Variants in GPR137B observed in about 807,000 individuals in gnomAD.
The protein encoded by GPR137B is G protein-coupled receptor 137B.
A neutral mutation model predicts 42.5 loss-of-function variants in GPR137B; 42 were observed. The observed-to-expected ratio is 0.99, with a 90% confidence interval of 0.77 to 1.28. The LOEUF (loss-of-function observed/expected upper bound fraction) is 1.28, where lower values mean the gene tolerates loss of function less well. Ranked by LOEUF, GPR137B falls within the 50% of genes most tolerant of loss-of-function variation. GPR137B has a pLI of 0.00. For synonymous variants in GPR137B, 218 were observed against 209.7 expected (o/e 1.04, Z -0.34); for missense variants, 487 against 493.9 (o/e 0.99, Z 0.13).
chr1:236,146,870 G>A (rs1346771520), intron 1 of GPR137B, among the ~76,000 whole-genome samples: 1 of 152,130 alleles, frequency 6.6e-6, no homozygotes, highest in African/African-American at 2.4e-5. Flanking sequence ...CCGCAGTAGT[G>A]TGATCTTGGC....
At chr1:236,146,653 G>A (rs938316818) in intron 1 of GPR137B, among the ~76,000 whole-genome samples, 1 of 152,196 alleles carries the variant, frequency 6.6e-6, no homozygotes, top group South Asian at 2.1e-4. Context: ...GCTGCAGTAC[G>A]CAGCCCCGGC....
intron 1 of GPR137B, among the ~76,000 whole-genome samples, chr1:236,164,119 T>C (rs1228183630): frequency 1.3e-5 from 2 of 152,198 alleles, no homozygotes; most frequent in Admixed American, 6.5e-5. Context: ...CTGGTGCTTA[T>C]TACTGACATG....
chr1:236,187,169 C>T (rs1387985883), intron 5 of GPR137B, among the ~76,000 whole-genome samples: 1 of 152,106 alleles, frequency 6.6e-6, no homozygotes, highest in Non-Finnish European at 1.5e-5. Context: ...ATCCTTTGCC[C>T]ACTTTTTGAT....
rs76391376 is a variant in GPR137B, at chr1:236,208,892, C to T, written c.*734C>T. On this transcript the variant is annotated 3_prime_UTR_variant, in exon 7 of 7. Transcript: ENST00000366592. Reference sequence around the variant, plus strand: ...TAGCTGACTTATCCTATTAAACCTCCTCTGCTATGTTCACAGATTCTGCAT... The same window carrying T: ...TAGCTGACTTATCCTATTAAACCTCTTCTGCTATGTTCACAGATTCTGCAT... The T allele has an allele frequency of 5.0e-5, 49 of 984,300 alleles. No homozygotes were observed. Among genetic ancestry groups the T allele is most frequent in the Non-Finnish European group, 5.3e-5 (44 of 829,068 alleles). The allele number at this position is 984,300 out of a possible 1,614,324, so 61.0% of individuals were successfully genotyped here.
chr1:236,151,418 ATTTTTTTTTTT>A (rs60574023), intron 1 of GPR137B, among the ~76,000 whole-genome samples: 2 of 72,370 alleles, frequency 2.8e-5, no homozygotes, highest in African/African-American at 1.6e-4. Context: ...TTGCATATTC[ATTTTTTTTTTT>A]TTTTTTTTTT....
intron 5 of GPR137B, among the ~76,000 whole-genome samples, chr1:236,197,576 G>A (rs547932353): frequency 6.6e-6 from 1 of 152,276 alleles, no homozygotes; most frequent in South Asian, 2.1e-4. Context: ...GGTGAGAGAT[G>A]AGGATCCAGC....
At chr1:236,204,463 A>G (rs1190214898) in intron 5 of GPR137B, among the ~76,000 whole-genome samples, 2 of 152,194 alleles carry the variant, frequency 1.3e-5, no homozygotes, top group African/African-American at 4.8e-5. Flanking sequence ...TAGTTTGAGT[A>G]TGACTGACAT....
chr1:236,157,619 G>A (rs148817471), intron 1 of GPR137B, among the ~76,000 whole-genome samples: 204 of 152,274 alleles, frequency 1.3e-3, no homozygotes, highest in Admixed American at 2.2e-3. Flanking sequence ...GTCAGTATAT[G>A]TGGGGGACTG....
chr1:236,195,158 T>C (rs1405807832), intron 5 of GPR137B, among the ~76,000 whole-genome samples: 2 of 152,148 alleles, frequency 1.3e-5, no homozygotes, highest in Admixed American at 6.5e-5. Flanking sequence ...CAGTTATTAT[T>C]GACTATATAG....
At position 236,171,295 on chromosome 1, in the gene GPR137B, T is replaced by G. The variant is rs932250823; in HGVS notation, c.464+2540T>G. Among the ~76,000 whole-genome samples, 1 of 152,166 alleles carries G rather than the reference T, an allele frequency of 6.6e-6. No homozygotes were observed. The highest frequency in any genetic ancestry group is 2.4e-5 in the African/African-American group (1 of 41,446). ...TTAGGGATGGTCAACCTGTATAAAG[T>G]ACAAGTAGACAGTTCCCTCTCTTCT... On this transcript the variant is annotated intron_variant, in intron 2 of 6. Coordinates refer to ENST00000366592, the MANE Select transcript of GPR137B (RefSeq NM_003272.4). This position sits in a 1 kb window ranked among gnomAD's most constrained non-coding sequence, Gnocchi z 4.4.
rs568458593 is a variant in GPR137B at position 236,153,659 on chromosome 1, A to G, written c.414+10623A>G. Among the ~76,000 whole-genome samples the G allele has an allele frequency of 1.2e-3, 179 of 152,316 alleles. 1 individual carries two copies. Among genetic ancestry groups the G allele is most frequent in the African/African-American group, 4.3e-3 (177 of 41,570 alleles). On this transcript the variant is annotated intron_variant, in intron 1 of 6. Coordinates refer to ENST00000366592, the MANE Select transcript of GPR137B (RefSeq NM_003272.4). The stretch of plus-strand genomic sequence containing the variant: ...GCCTTGAGCAAGGAAAACAGACTTC[A>G]TGTCAACGACTTCTCCATTGTGCGA...
chr1:236,173,754 C>A (rs1413667694), intron 2 of GPR137B, among the ~76,000 whole-genome samples: 2 of 138,726 alleles, frequency 1.4e-5, no homozygotes, highest in Non-Finnish European at 3.0e-5. Flanking sequence ...GGGCAGTGTA[C>A]AAAATTCTTT....
chr1:236,154,346 C>T (rs549812824), intron 1 of GPR137B, among the ~76,000 whole-genome samples: 24 of 152,262 alleles, frequency 1.6e-4, no homozygotes, highest in Middle Eastern at 3.4e-3. Context: ...CGAGGACACA[C>T]GGCCTGTCAC....
chr1:236,197,932 G>C (rs990268651), intron 5 of GPR137B, among the ~76,000 whole-genome samples: 17 of 152,144 alleles, frequency 1.1e-4, no homozygotes, highest in African/African-American at 4.1e-4. Context: ...TGTTGACCAG[G>C]CTGGTCTTGA....
At chr1:236,204,955 G>A (rs942759336) in intron 5 of GPR137B, among the ~76,000 whole-genome samples, 171 bp from the exon 6 acceptor site, 4 of 152,178 alleles carry the variant, frequency 2.6e-5, no homozygotes, top group Non-Finnish European at 4.4e-5. Flanking sequence ...AAGGCAAGGC[G>A]AATCCCTCTC....
chr1:236,161,574 T>A (rs569594257), intron 1 of GPR137B, among the ~76,000 whole-genome samples: 1 of 151,684 alleles, frequency 6.6e-6, no homozygotes, highest in African/African-American at 2.4e-5. Context: ...TTTGGCTGCA[T>A]CCCCATGCAA....
chr1:236,196,667 C>T (rs1361978551), intron 5 of GPR137B, among the ~76,000 whole-genome samples: 1 of 152,154 alleles, frequency 6.6e-6, no homozygotes, highest in Admixed American at 6.5e-5. Context: ...CCCTTTGCAT[C>T]TTCATAGCTC....
chr1:236,148,982 G>A (rs180984523), intron 1 of GPR137B, among the ~76,000 whole-genome samples: 28 of 152,200 alleles, frequency 1.8e-4, no homozygotes, highest in Non-Finnish European at 3.8e-4. Flanking sequence ...CCCATGGGTC[G>A]GAGTGGGTTA....
At chr1:236,203,928 G>A (rs947308019) in intron 5 of GPR137B, among the ~76,000 whole-genome samples, 1 of 152,116 alleles carries the variant, frequency 6.6e-6, no homozygotes, top group African/African-American at 2.4e-5. Flanking sequence ...CCTTTCTCTT[G>A]TCTGATTGCT....
Sources: gnomAD v4.1 joint callset for allele counts (sites outside exome capture counted in the v4.1 genomes callset) on GRCh38, gnomAD v4.1.1 for gene constraint, Gnocchi (gnomAD v3.1) non-coding constraint, MANE v1.5 for transcripts, NCBI Gene and HGNC (gene_info 2026-07-23, HGNC 2026-07-21) for gene names.